Variants in DCTN4 observed in about 807,000 individuals in gnomAD.
DCTN4 encodes dynactin subunit 4.
Under a neutral mutation model 62.7 loss-of-function variants are expected in DCTN4, and 23 were observed. That is an observed-to-expected ratio of 0.37 (90% CI 0.26 to 0.52). The LOEUF (loss-of-function observed/expected upper bound fraction) is 0.52, where lower values mean the gene tolerates loss of function less well. Ranked by LOEUF, DCTN4 falls within the 20% of genes least tolerant of loss-of-function variation. The pLI is 0.92. For missense variants in DCTN4, 514 were observed against 580.4 expected, an observed-to-expected ratio of 0.89 and a Z score of 1.18; for synonymous variants, 199 against 202.1, an observed-to-expected ratio of 0.98 and a Z score of 0.13.
At chr5:150,737,355 A>G (rs1030406247) in intron 4 of DCTN4, among the ~76,000 whole-genome samples, 8 of 152,226 alleles carry the variant, frequency 5.3e-5, no homozygotes, top group African/African-American at 1.7e-4. Context: ...AAGATAGAAC[A>G]TACGAGAGGC....
At chr5:150,724,197 G>C (rs1760056996) in intron 8 of DCTN4, among the ~76,000 whole-genome samples, 1 of 151,992 alleles carries the variant, frequency 6.6e-6, no homozygotes, top group Non-Finnish European at 1.5e-5. Flanking sequence ...TCTCATTGCA[G>C]TTTTAATGTA....
chr5:150,733,222 C>T (rs1421616221), intron 5 of DCTN4, 146 bp downstream of exon 5: 13 of 561,500 alleles, frequency 2.3e-5, no homozygotes, highest in African/African-American at 3.8e-5. Context: ...AAAAGCCTAA[C>T]TATTGGACTT....
At chr5:150,743,820 T>C (rs1246303595) in intron 3 of DCTN4, among the ~76,000 whole-genome samples, 2 of 151,882 alleles carry the variant, frequency 1.3e-5, no homozygotes, top group Non-Finnish European at 2.9e-5. Flanking sequence ...CAAAAGTAGA[T>C]AAAATCACAA....
At chr5:150,738,452 T>C (rs1367344389) in intron 4 of DCTN4, among the ~76,000 whole-genome samples, 2 of 152,222 alleles carry the variant, frequency 1.3e-5, no homozygotes, top group Non-Finnish European at 2.9e-5. Context: ...GATGCAGGGA[T>C]GGTTTGAAAT....
chr5:150,721,741 T>G (rs570861302), intron 9 of DCTN4, among the ~76,000 whole-genome samples: 1 of 152,252 alleles, frequency 6.6e-6, no homozygotes, highest in Non-Finnish European at 1.5e-5. Flanking sequence ...CCTGGGATAT[T>G]AAACTTTTGT....
intron 9 of DCTN4, among the ~76,000 whole-genome samples, chr5:150,720,207 C>T (rs1759908525): frequency 6.6e-6 from 1 of 152,194 alleles, no homozygotes; most frequent in African/African-American, 2.4e-5. Context: ...ATTGTGCATA[C>T]ATTAACGTAA....
chr5:150,728,427 G>C (rs752491243), intron 8 of DCTN4, among the ~76,000 whole-genome samples: 1 of 152,126 alleles, frequency 6.6e-6, no homozygotes, highest in Non-Finnish European at 1.5e-5. Context: ...AAGTTTGCTA[G>C]ATAAATTGTC....
chr5:150,739,357 G>A (rs1429440624), intron 4 of DCTN4, among the ~76,000 whole-genome samples: 3 of 152,002 alleles, frequency 2.0e-5, no homozygotes, highest in African/African-American at 7.3e-5. Flanking sequence ...AAAATGCTTA[G>A]GAATATACCT....
intron 8 of DCTN4, among the ~76,000 whole-genome samples, chr5:150,727,302 T>C (rs1335627730): frequency 6.6e-6 from 1 of 152,206 alleles, no homozygotes; most frequent in Non-Finnish European, 1.5e-5. Context: ...GGTGATTAGC[T>C]CTTGCCTTTA....
At chr5:150,717,361 C>T (rs1759799637) in intron 11 of DCTN4, among the ~76,000 whole-genome samples, 1 of 152,154 alleles carries the variant, frequency 6.6e-6, no homozygotes, top group Non-Finnish European at 1.5e-5. Flanking sequence ...GTGATTCTCC[C>T]ATCTCAGCCT....
chr5:150,749,288 C>A lies in DCTN4; in HGVS notation c.385+4191G>T, dbSNP rs765696645. On this transcript the variant is annotated intron_variant, in intron 3 of 12. Coordinates refer to ENST00000447998, the MANE Select transcript of DCTN4 (RefSeq NM_016221.4). ...CCAAATCAAAACAAACCAACAACAA[C>A]AAAACCCAGTTAAAAAGTAGGGAAA... Among the ~76,000 whole-genome samples the A allele has an allele frequency of 3.3e-5, 5 of 152,212 alleles. No individual in the cohort carries two copies. The South Asian group carries it at 8.3e-4, about 25-fold the overall frequency.
At position 150,744,194 on chromosome 5, in the gene DCTN4, C is replaced by T. The variant is rs554752337; in HGVS notation, c.386-2037G>A. On this transcript the variant is annotated intron_variant, in intron 3 of 12. Coordinates refer to ENST00000447998, the MANE Select transcript of DCTN4 (RefSeq NM_016221.4). ...CAACTGGAAGAAAGGGTATCAGTGA[C>T]GGAAGATGAAATGAATGAAATGAAG... Among the ~76,000 whole-genome samples, 1,489 of 151,690 alleles carry T rather than the reference C, an allele frequency of 9.8e-3. 24 individuals are homozygous for T. Among genetic ancestry groups the T allele is most frequent in the African/African-American group, 0.028 (1,144 of 41,312 alleles).
chr5:150,737,111 A>G (rs1201594254), intron 4 of DCTN4, among the ~76,000 whole-genome samples: 1 of 152,240 alleles, frequency 6.6e-6, no homozygotes, highest in East Asian at 1.9e-4. Context: ...TCCAAAATTT[A>G]TAAAACAATT....
intron 3 of DCTN4, 107 bp from the exon 4 acceptor site, chr5:150,742,264 A>ATAGACCATTCTGGTCTATATAACT: frequency 1.8e-6 from 2 of 1,119,804 alleles, no homozygotes. Context: ...CATAAGTTAT[A>ATAGACCATTCTGGTCTATATAACT]TAGACCATTC....
chr5:150,718,324 G>A lies in DCTN4; in HGVS notation c.1023C>T (p.Leu341=). The change falls in exon 11 of 13, where the codon CTC becomes CTT. Residue 341 remains leucine, a synonymous_variant. Transcript: ENST00000447998. The part of the protein sequence containing the change: ...NPVENLTHVT[L]FECEEGDPDD... ...CAGGGTCCCCCTCCTCACACTCGAA[G>A]AGAGTCACATGGGTGAGGTTCTCAA... The A allele has an allele frequency of 1.2e-6, 2 of 1,614,158 alleles. No individual in the cohort carries two copies. The highest frequency in any genetic ancestry group is 1.7e-6 in the Non-Finnish European group (2 of 1,180,002).
At chr5:150,740,655 C>A (rs1183366788) in intron 4 of DCTN4, among the ~76,000 whole-genome samples, 1 of 152,132 alleles carries the variant, frequency 6.6e-6, no homozygotes, top group Admixed American at 6.5e-5. Flanking sequence ...GGTCCAAATG[C>A]CCATCAATCA....
intron 8 of DCTN4, among the ~76,000 whole-genome samples, chr5:150,727,104 ACC>A (rs1473646206): frequency 3.9e-5 from 6 of 152,094 alleles, no homozygotes; most frequent in Admixed American, 6.6e-5. Flanking sequence ...GGCCTAACTA[ACC>A]ACTAAGTGAA....
chr5:150,710,633 C>A lies in DCTN4; in HGVS notation c.*516G>T. The stretch of plus-strand genomic sequence containing the variant: ...TTTTCAGTTATATGGAAATCTATGG[C>A]AAAATGGCAGCCATTATGGCAATGA... On this transcript the variant is annotated 3_prime_UTR_variant, in exon 13 of 13. Transcript: ENST00000447998. 1 of 154,914 alleles carries A rather than the reference C, an allele frequency of 6.5e-6. No homozygotes were observed. Among genetic ancestry groups the A allele is most frequent in the Non-Finnish European group, 1.4e-5 (1 of 69,514 alleles). 9.6% of individuals were successfully genotyped at this position (154,914 alleles called of 1,614,324 possible).
intron 8 of DCTN4, among the ~76,000 whole-genome samples, chr5:150,727,447 T>G (rs74369413): frequency 0.061 from 9,231 of 152,108 alleles, 400 homozygotes; most frequent in East Asian, 0.24. Flanking sequence ...AAATATTTAA[T>G]TTTAGGCTTC....
Sources: gnomAD v4.1 joint callset for allele counts (sites outside exome capture counted in the v4.1 genomes callset) on GRCh38, gnomAD v4.1.1 for gene constraint, MANE v1.5 for transcripts, NCBI Gene and HGNC (gene_info 2026-07-23, HGNC 2026-07-21) for gene names.